ZSWIM6: variants seen among roughly 807,000 people sequenced by gnomAD.
ZSWIM6 encodes the protein zinc finger SWIM-type containing 6, also known as zinc finger SWIM domain-containing protein 6.
In ZSWIM6, 9 loss-of-function variants were observed where a neutral mutation model predicts 113.2. The observed-to-expected ratio is 0.08, with a 90% CI of 0.05 to 0.14. The LOEUF is 0.14. Among genes scored for constraint, ZSWIM6 ranks in the 10% least tolerant of loss-of-function variants. ZSWIM6 has a pLI of 1.00. For synonymous variants in ZSWIM6, 611 were observed against 606.5 expected (o/e 1.01, Z -0.11); for missense variants, 1,162 against 1,552.2 (o/e 0.75, Z 4.22).
intron 1 of ZSWIM6, among the ~76,000 whole-genome samples, chr5:61,385,368 C>T (rs1255975243): frequency 3.3e-5 from 5 of 152,158 alleles, no homozygotes. Context: ...TTGACATCAC[C>T]TTTATAGATG....
chr5:61,395,389 A>T (rs560352638), intron 1 of ZSWIM6, among the ~76,000 whole-genome samples: 1 of 151,840 alleles, frequency 6.6e-6, no homozygotes, highest in East Asian at 1.9e-4. Flanking sequence ...TGTGCAGTGC[A>T]AAAAAAAGGC....
Position 61,505,625 on chromosome 5 carries a change from TC to T in ZSWIM6, c.1333+11217del, listed in dbSNP as rs1192665536. 4.9e-4 allele frequency among the ~76,000 whole-genome samples: 41 copies of T among 82,926 alleles called. 1 individual carries two copies. The highest frequency in any genetic ancestry group is 5.0e-3 in the Middle Eastern group (1 of 202). The allele number at this position is 82,926 out of a possible 152,430, so 54.4% of individuals were successfully genotyped here. On this transcript the variant is annotated intron_variant, in intron 4 of 13. Coordinates refer to ENST00000252744, the MANE Select transcript of ZSWIM6 (RefSeq NM_020928.2). The stretch of plus-strand genomic sequence containing the variant: ...TACCTTCCTTCCTTCCTTCCTTCCT[TC>T]CTTCCTTCCTTCCTTCCTTCCTTCC...
chr5:61,439,886 G>C (rs1388729901), intron 1 of ZSWIM6, among the ~76,000 whole-genome samples: 1 of 152,022 alleles, frequency 6.6e-6, no homozygotes, highest in Non-Finnish European at 1.5e-5. Flanking sequence ...CATGGAATTT[G>C]GTTTTCTCAT....
intron 9 of ZSWIM6, among the ~76,000 whole-genome samples, chr5:61,532,099 A>G (rs1749450884): frequency 6.6e-6 from 1 of 152,224 alleles, no homozygotes; most frequent in African/African-American, 2.4e-5. Flanking sequence ...TCAATTAAAT[A>G]ATAAAACAGT....
intron 1 of ZSWIM6, among the ~76,000 whole-genome samples, chr5:61,362,899 TAACAGA>T (rs1434981591): frequency 6.6e-6 from 1 of 152,184 alleles, no homozygotes; most frequent in Non-Finnish European, 1.5e-5. Flanking sequence ...TTACTATAAA[TAACAGA>T]AACAGATTTT....
At chr5:61,337,970 G>A (rs570755927) in intron 1 of ZSWIM6, among the ~76,000 whole-genome samples, 1 of 152,182 alleles carries the variant, frequency 6.6e-6, no homozygotes, top group African/African-American at 2.4e-5. Context: ...TCGCATATGT[G>A]TGTGTGTGTG....
intron 1 of ZSWIM6, among the ~76,000 whole-genome samples, chr5:61,371,337 T>A (rs1470148131): frequency 6.6e-6 from 1 of 152,232 alleles, no homozygotes; most frequent in Non-Finnish European, 1.5e-5. Flanking sequence ...TCCTTAGAAA[T>A]GAAATTTCTC....
intron 4 of ZSWIM6, among the ~76,000 whole-genome samples, chr5:61,519,427 GA>G (rs918324463): frequency 4.6e-5 from 7 of 151,844 alleles, no homozygotes; most frequent in African/African-American, 1.7e-4. Flanking sequence ...AATGCTAGGA[GA>G]AAAAAAAGAA....
rs2112277174 is a variant in ZSWIM6, at chr5:61,531,594, T to C, written c.2114T>C (p.Met705Thr). Residue 705 changes from methionine to threonine, a missense_variant, in exon 9 of 14, where the codon ATG becomes ACG. By Grantham distance (81) the Met-to-Thr change is moderately conservative. Around this residue, in one of 4 missense-constraint regions of ZSWIM6, gnomAD observed 620 missense variants for 804.6 expected, o/e 0.77. Coordinates refer to ENST00000252744, the MANE Select transcript of ZSWIM6 (RefSeq NM_020928.2). The stretch of plus-strand genomic sequence containing the variant: ...ATAGGGCTAGGACAGCAGCGTATCA[T>C]GCCTGATGGGCTGTACACACAAGAG... ...ALIGLGQQRI[M>T]PDGLYTQEKV... is the part of the protein sequence containing the mutation. The C allele has an allele frequency of 6.4e-7, 1 of 1,551,704 alleles. No homozygotes were observed. The highest frequency in any genetic ancestry group is 8.7e-7 in the Non-Finnish European group (1 of 1,146,982).
At chr5:61,390,987 G>T in intron 1 of ZSWIM6, 1 of 755,674 alleles carries the variant, frequency 1.3e-6, no homozygotes, top group South Asian at 1.3e-5. Flanking sequence ...TGATCAGTTT[G>T]CTGTCCCTGA....
Position 61,538,862 on chromosome 5 carries a change from A to G in ZSWIM6, c.2430A>G (p.Pro810=), listed in dbSNP as rs547911956. The part of the protein sequence containing the change: ...STAPSGDLTR[P]HHIASVVPNR... ...CTCCATCAGGAGACCTCACCCGCCC[A>G]CACCACATTGCATCAGTTGTTCCCA... The change falls in exon 11 of 14, where the codon CCA becomes CCG. Residue 810 remains proline, a synonymous_variant. Transcript: ENST00000252744. The G allele has an allele frequency of 1.8e-4, 278 of 1,552,330 alleles. 3 individuals carry two copies. In the South Asian group the frequency reaches 2.9e-3, roughly 16 times the overall value.
intron 1 of ZSWIM6, among the ~76,000 whole-genome samples, chr5:61,400,208 C>G (rs1275166953): frequency 6.6e-6 from 1 of 152,104 alleles, no homozygotes; most frequent in East Asian, 1.9e-4. Flanking sequence ...CTCCTGTAGT[C>G]CTAATTCTAT....
intron 1 of ZSWIM6, among the ~76,000 whole-genome samples, chr5:61,384,505 C>T (rs886949649): frequency 6.6e-5 from 10 of 152,118 alleles, no homozygotes; most frequent in Non-Finnish European, 1.5e-4. Flanking sequence ...CTCATAAAAC[C>T]TGATGAACAG....
chr5:61,358,636 A>G lies in ZSWIM6; in HGVS notation c.676+25688A>G, dbSNP rs532353624. On this transcript the variant is annotated intron_variant, in intron 1 of 13. Transcript: ENST00000252744. ...ACTTTCCAAATATTAAGAAAATTGTAAATAGGTGAGGAACTGGTATGGTTT... is the reference window on the plus strand; with the variant it reads ...ACTTTCCAAATATTAAGAAAATTGTGAATAGGTGAGGAACTGGTATGGTTT... Among the ~76,000 whole-genome samples, 27 of 152,352 alleles carry G rather than the reference A, an allele frequency of 1.8e-4. No homozygotes were observed. In the South Asian group the frequency reaches 3.7e-3, roughly 21 times the overall value.
chr5:61,512,179 C>T (rs560850185), intron 4 of ZSWIM6, among the ~76,000 whole-genome samples: 12 of 152,192 alleles, frequency 7.9e-5, no homozygotes, highest in Admixed American at 2.6e-4. Flanking sequence ...CCTTTAGTTT[C>T]GCCATTCCAG....
intron 1 of ZSWIM6, among the ~76,000 whole-genome samples, chr5:61,360,448 G>T (rs1745010566): frequency 6.6e-6 from 1 of 152,210 alleles, no homozygotes; most frequent in Non-Finnish European, 1.5e-5. Flanking sequence ...GTGGAAATAG[G>T]CATGGAGAAG....
At chr5:61,342,036 C>T (rs929687821) in intron 1 of ZSWIM6, among the ~76,000 whole-genome samples, 3 of 151,922 alleles carry the variant, frequency 2.0e-5, no homozygotes, top group Admixed American at 6.6e-5. Flanking sequence ...TGCGCCATGA[C>T]GCCTGGCTAA....
intron 1 of ZSWIM6, among the ~76,000 whole-genome samples, chr5:61,333,308 C>T (rs1255490246): frequency 6.6e-6 from 1 of 151,238 alleles, no homozygotes; most frequent in African/African-American, 2.4e-5. Context: ...GGCGGACGGC[C>T]GGCCTCCGGC....
intron 1 of ZSWIM6, among the ~76,000 whole-genome samples, chr5:61,363,968 TCCTC>T (rs377008635): frequency 0.011 from 1,547 of 142,418 alleles, 11 homozygotes; most frequent in Non-Finnish European, 0.016. Context: ...CTTCCTTCCT[TCCTC>T]CCTCCCTCCC....
Sources: allele counts gnomAD v4.1 joint callset (sites outside exome capture counted in the v4.1 genomes callset), GRCh38; gene constraint gnomAD v4.1.1; regional missense constraint gnomAD v4.1.1; transcripts MANE v1.5; gene names NCBI Gene and HGNC (gene_info 2026-07-23, HGNC 2026-07-21).